Variants in CCDC3 observed in about 807,000 individuals in gnomAD.
CCDC3 encodes the protein coiled-coil domain-containing protein 3.
A neutral mutation model predicts 21.4 loss-of-function variants in CCDC3; 24 were observed. That is an observed-to-expected ratio of 1.12 (90% CI 0.81 to 1.58). The LOEUF (loss-of-function observed/expected upper bound fraction) is 1.58, where lower values mean the gene tolerates loss of function less well. Among genes scored for constraint, CCDC3 ranks in the 40% most tolerant of loss-of-function variants. The pLI is 0.00. For missense variants in CCDC3, 425 were observed against 360.9 expected, an observed-to-expected ratio of 1.18 and a Z score of -1.44; for synonymous variants, 186 against 166.0, an observed-to-expected ratio of 1.12 and a Z score of -0.93.
At chr10:13,004,358 T>C (rs551697221), upstream of CCDC3, among the ~76,000 whole-genome samples, 1 of 152,298 alleles carries the variant, frequency 6.6e-6, no homozygotes, top group African/African-American at 2.4e-5. Flanking sequence ...TTCTATGGCC[T>C]TGAGACCACT....
intron 5 of CCDC3, among the ~76,000 whole-genome samples, chr10:13,035,875 G>A (rs1419139349): frequency 6.6e-6 from 1 of 152,196 alleles, no homozygotes; most frequent in African/African-American, 2.4e-5. Flanking sequence ...GCCAGGCATG[G>A]TGGCTCATGC....
At chr10:13,082,058 T>C (rs1837045610) in intron 3 of CCDC3, among the ~76,000 whole-genome samples, 1 of 151,940 alleles carries the variant, frequency 6.6e-6, no homozygotes, top group Admixed American at 6.6e-5. Context: ...GGTCTGTGGG[T>C]CTTTCACCCT....
intron 2 of CCDC3, among the ~76,000 whole-genome samples, chr10:12,927,626 T>C (rs1306098806): frequency 8.5e-5 from 13 of 152,144 alleles, no homozygotes; most frequent in Admixed American, 8.5e-4. Context: ...CTTCTAGAAA[T>C]GATAATGACC....
intron 4 of CCDC3, among the ~76,000 whole-genome samples, chr10:13,070,505 A>T (rs76601784): frequency 6.6e-6 from 1 of 152,300 alleles, no homozygotes; most frequent in East Asian, 1.9e-4. Flanking sequence ...AACTGGCCTC[A>T]TATCTTCGTA....
At chr10:13,065,204 G>A (rs1202532555) in intron 4 of CCDC3, among the ~76,000 whole-genome samples, 1 of 152,132 alleles carries the variant, frequency 6.6e-6, no homozygotes, top group African/African-American at 2.4e-5. Context: ...GCCTCTCTTG[G>A]TTTCAAACAG....
intron 5 of CCDC3, among the ~76,000 whole-genome samples, chr10:13,029,276 C>T (rs918146000): frequency 3.3e-5 from 5 of 152,184 alleles, no homozygotes; most frequent in Admixed American, 3.3e-4. Flanking sequence ...ACGGTCCTGA[C>T]TGTTAGAAGG....
At chr10:13,087,420 A>G (rs112747413) in intron 3 of CCDC3, among the ~76,000 whole-genome samples, 51 of 149,530 alleles carry the variant, frequency 3.4e-4, no homozygotes, top group African/African-American at 1.2e-3. Context: ...AAAAAAAAAA[A>G]TGGTGCTAGG....
At chr10:12,967,320 C>G (rs574387381) in intron 2 of CCDC3, among the ~76,000 whole-genome samples, 1 of 152,276 alleles carries the variant, frequency 6.6e-6, no homozygotes, top group African/African-American at 2.4e-5. Context: ...GTGTTATAAT[C>G]TCCCAGTAAC....
chr10:13,014,609 G>A (rs773471723), intron 5 of CCDC3, among the ~76,000 whole-genome samples: 2 of 150,698 alleles, frequency 1.3e-5, no homozygotes, highest in African/African-American at 4.8e-5. Flanking sequence ...TGTCAATGGT[G>A]GTACTATATC....
At chr10:13,097,069 C>G (rs1324540440) in intron 3 of CCDC3, among the ~76,000 whole-genome samples, 1 of 152,196 alleles carries the variant, frequency 6.6e-6, no homozygotes, top group Non-Finnish European at 1.5e-5. Flanking sequence ...TAACTCCAAA[C>G]AGAGGAGATT....
chr10:12,927,907 A>G (rs947287246), intron 2 of CCDC3, among the ~76,000 whole-genome samples: 3 of 152,234 alleles, frequency 2.0e-5, no homozygotes, highest in African/African-American at 7.2e-5. Flanking sequence ...AACTACATAC[A>G]CAGTCCAGAA....
chr10:13,030,525 C>A (rs1291035719), intron 5 of CCDC3, among the ~76,000 whole-genome samples: 114 of 152,196 alleles, frequency 7.5e-4, no homozygotes, highest in African/African-American at 2.6e-3. Context: ...CTAAATGCTC[C>A]AATTAAAAGA....
chr10:12,905,298 G>T (rs1447180911), intron 2 of CCDC3, among the ~76,000 whole-genome samples: 1 of 152,216 alleles, frequency 6.6e-6, no homozygotes, highest in South Asian at 2.1e-4. Context: ...TTTATGTTTT[G>T]TTTGTGGCAG....
At chr10:12,995,009 G>C (rs893995663) in intron 2 of CCDC3, among the ~76,000 whole-genome samples, 1 of 151,710 alleles carries the variant, frequency 6.6e-6, no homozygotes, top group Non-Finnish European at 1.5e-5. Flanking sequence ...TGAACCCTCG[G>C]AAGTGGGGAT....
At chr10:13,031,944 C>T (rs1268253189) in intron 5 of CCDC3, among the ~76,000 whole-genome samples, 1 of 152,180 alleles carries the variant, frequency 6.6e-6, no homozygotes, top group Admixed American at 6.5e-5. Flanking sequence ...CCTTCTGAAA[C>T]TATTCCAATC....
Position 13,079,605 on chromosome 10 carries a change from C to T in CCDC3, c.-502-5505G>A, listed in dbSNP as rs544223246. ...GGGGTTGGGGGGAGAATGGGGGTGG[C>T]GGTGAAGTATTCCTTAGACAGAATG... On this transcript the variant is annotated intron_variant, in intron 3 of 6. Coordinates refer to the CCDC3 transcript ENST00000378839. 5.9e-5 allele frequency among the ~76,000 whole-genome samples: 9 copies of T among 152,114 alleles called. No homozygotes were observed. The South Asian group carries it at 6.2e-4, about 11-fold the overall frequency.
intron 2 of CCDC3, among the ~76,000 whole-genome samples, chr10:12,987,378 TG>T (rs1367957785): frequency 1.3e-5 from 2 of 152,208 alleles, no homozygotes; most frequent in Non-Finnish European, 2.9e-5. Flanking sequence ...ATGGGATATA[TG>T]GGGCTATGAG....
chr10:13,030,305 A>G (rs1391661365), intron 5 of CCDC3, among the ~76,000 whole-genome samples: 1 of 152,212 alleles, frequency 6.6e-6, no homozygotes, highest in Non-Finnish European at 1.5e-5. Context: ...AGATTTTGTT[A>G]CCACCAGGCC....
At position 12,998,455 on chromosome 10, in the gene CCDC3, G is replaced by C; in HGVS notation, c.432C>G (p.Phe144Leu). 2 of 1,614,118 alleles carry C rather than the reference G, an allele frequency of 1.2e-6. No homozygotes were observed. The highest frequency in any genetic ancestry group is 1.7e-6 in the Non-Finnish European group (2 of 1,180,012). ...TCCTTCTGTTCTCTTGAGTGTCTGG[G>C]AAGATGGCATCTTGGAAATTGACTC... ...PHGVNFQDAI[F>L]PDTQENRRMF... The change falls in exon 2 of 3, where the codon TTC (phenylalanine) becomes TTG (leucine). Residue 144 changes from phenylalanine to leucine, a missense_variant. Transcript: ENST00000378825.
Sources: allele counts gnomAD v4.1 joint callset (sites outside exome capture counted in the v4.1 genomes callset), GRCh38; gene constraint gnomAD v4.1.1; transcripts MANE v1.5; gene names NCBI Gene and HGNC (gene_info 2026-07-23, HGNC 2026-07-21).